The following FSHR variants were observed in gnomAD, a reference collection of about 807,000 sequenced individuals.
FSHR encodes the protein follicle-stimulating hormone receptor.
In FSHR, 46 loss-of-function variants were observed where a neutral mutation model predicts 52.1. The ratio of observed to expected loss-of-function variants is 0.88; its 90% confidence interval spans 0.70 to 1.13. The LOEUF (loss-of-function observed/expected upper bound fraction) is 1.13. FSHR is among the 50% of genes most tolerant of loss of function. The pLI is 0.00. For missense variants in FSHR, 964 were observed against 834.6 expected (o/e 1.16, Z -1.91); for synonymous variants, 399 against 309.6 (o/e 1.29, Z -3.03).
At chr2:49,005,905 G>A (rs1667058644) in intron 4 of FSHR, among the ~76,000 whole-genome samples, 1 of 152,084 alleles carries the variant, frequency 6.6e-6, no homozygotes, top group South Asian at 2.1e-4. Context: ...AGTGGGCTGG[G>A]AAAGGCAGAC....
chr2:49,099,379 C>T (rs1490619248), intron 1 of FSHR, among the ~76,000 whole-genome samples: 1 of 152,026 alleles, frequency 6.6e-6, no homozygotes, highest in Non-Finnish European at 1.5e-5. Flanking sequence ...TTCCCTTCCG[C>T]CATGATCGTG....
At chr2:48,994,414 A>G (rs1675926918) in intron 4 of FSHR, among the ~76,000 whole-genome samples, 1 of 152,152 alleles carries the variant, frequency 6.6e-6, no homozygotes, top group Non-Finnish European at 1.5e-5. Context: ...TTTGATCTTT[A>G]TAGGAAAGAA....
At chr2:49,042,334 T>G (rs1033783597) in intron 2 of FSHR, among the ~76,000 whole-genome samples, 14 of 152,032 alleles carry the variant, frequency 9.2e-5, no homozygotes, top group African/African-American at 3.4e-4. Context: ...CAAACCAGAC[T>G]AGATAACAAT....
At chr2:48,981,158 A>G (rs1208077018) in intron 8 of FSHR, among the ~76,000 whole-genome samples, 1 of 152,232 alleles carries the variant, frequency 6.6e-6, no homozygotes, top group Non-Finnish European at 1.5e-5. Flanking sequence ...TCTTGAGTAC[A>G]TGGACTATAT....
At chr2:49,102,846 C>CTAA in intron 1 of FSHR, among the ~76,000 whole-genome samples, 1 of 151,012 alleles carries the variant, frequency 6.6e-6, no homozygotes, top group Non-Finnish European at 1.5e-5. Context: ...GGATTTCTGC[C>CTAA]ACGGTTTGTT....
At chr2:48,964,864 C>T (rs1338141205) in intron 9 of FSHR, among the ~76,000 whole-genome samples, 2 of 151,984 alleles carry the variant, frequency 1.3e-5, no homozygotes, top group Non-Finnish European at 2.9e-5. Context: ...CACGAGTATA[C>T]CCATAAATAT....
chr2:49,069,614 C>T (rs1012050675), intron 1 of FSHR, among the ~76,000 whole-genome samples: 2 of 152,052 alleles, frequency 1.3e-5, no homozygotes, highest in African/African-American at 2.4e-5. Flanking sequence ...ATGCCTAGAA[C>T]AGTGCTTAAC....
At chr2:49,091,643 A>G (rs1670615603) in intron 1 of FSHR, among the ~76,000 whole-genome samples, 1 of 152,228 alleles carries the variant, frequency 6.6e-6, no homozygotes, top group Admixed American at 6.5e-5. Flanking sequence ...ATTTGTTTAA[A>G]AATACTATCC....
At chr2:48,982,791 G>A (rs1315222494) in intron 8 of FSHR, 121 bp downstream of exon 8, 14 of 856,112 alleles carry the variant, frequency 1.6e-5, no homozygotes, top group East Asian at 5.2e-5. Flanking sequence ...CAGATGACAC[G>A]AATAAAAATT....
intron 1 of FSHR, among the ~76,000 whole-genome samples, chr2:49,139,684 G>A (rs1000964498): frequency 1.3e-5 from 2 of 149,728 alleles, no homozygotes; most frequent in Admixed American, 6.7e-5. Flanking sequence ...TGCAAGCTCC[G>A]TCTCCTGGGT....
rs1442042234 is a variant in FSHR at position 48,982,947 on chromosome 2, A to G, written c.633T>C (p.Asn211=). ...GTCCAGAGGCTCCGTGGAAAACATC[A>G]TTAGGCAATTCTTCTAAATTATTAT... ...SDNNNLEELP[N]DVFHGASGPV... Residue 211 remains asparagine (N), a synonymous_variant, in exon 8 of 10, where the codon AAT becomes AAC. Coordinates refer to ENST00000406846, the MANE Select transcript of FSHR (RefSeq NM_000145.4). 6.2e-7 allele frequency: 1 copy of G among 1,614,152 alleles called. No individual in the cohort carries two copies. Among genetic ancestry groups the G allele is most frequent in the South Asian group, 1.1e-5 (1 of 91,078 alleles).
intron 2 of FSHR, among the ~76,000 whole-genome samples, chr2:49,042,099 T>A (rs1021120816): frequency 1.7e-4 from 26 of 152,188 alleles, no homozygotes; most frequent in Non-Finnish European, 2.1e-4. Context: ...GAGCTGTGAT[T>A]ACATCCTGCC....
At chr2:49,073,325 A>G (rs984155488) in intron 1 of FSHR, among the ~76,000 whole-genome samples, 5 of 152,108 alleles carry the variant, frequency 3.3e-5, no homozygotes, top group Admixed American at 3.3e-4. Context: ...GACTCTACCA[A>G]CAAACTCTTA....
chr2:49,133,541 C>A (rs561151305), intron 1 of FSHR, among the ~76,000 whole-genome samples: 1 of 152,292 alleles, frequency 6.6e-6, no homozygotes, highest in East Asian at 1.9e-4. Context: ...CTACCAATGA[C>A]TTTCTTCACA....
chr2:49,085,218 C>G (rs1463602894), intron 1 of FSHR, among the ~76,000 whole-genome samples: 1 of 152,158 alleles, frequency 6.6e-6, no homozygotes, highest in Non-Finnish European at 1.5e-5. Context: ...TGTAATCCAG[C>G]ATATAAACAG....
chr2:49,125,628 G>A (rs1671970041), intron 1 of FSHR, among the ~76,000 whole-genome samples: 1 of 152,192 alleles, frequency 6.6e-6, no homozygotes, highest in Non-Finnish European at 1.5e-5. Flanking sequence ...ATTCACGAAT[G>A]AATTGATGAT....
intron 1 of FSHR, among the ~76,000 whole-genome samples, chr2:49,122,592 TC>T (rs1671857674): frequency 6.6e-6 from 1 of 152,174 alleles, no homozygotes; most frequent in Non-Finnish European, 1.5e-5. Flanking sequence ...GCATTCTGTC[TC>T]CTCCCTGTTA....
intron 1 of FSHR, among the ~76,000 whole-genome samples, chr2:49,139,269 T>G (rs1047815560): frequency 6.6e-6 from 1 of 152,210 alleles, no homozygotes; most frequent in Non-Finnish European, 1.5e-5. Context: ...AACCCTTCAG[T>G]TCCTTTGGGT....
intron 4 of FSHR, among the ~76,000 whole-genome samples, chr2:48,992,310 CT>C (rs1675822351): frequency 6.6e-6 from 1 of 152,180 alleles, no homozygotes; most frequent in African/African-American, 2.4e-5. Context: ...TCTAAATTCC[CT>C]TGTGTTTTCC....
Sources: gnomAD v4.1 joint callset for allele counts (sites outside exome capture counted in the v4.1 genomes callset) on GRCh38, gnomAD v4.1.1 for gene constraint, MANE v1.5 for transcripts, NCBI Gene and HGNC (gene_info 2026-07-23, HGNC 2026-07-21) for gene names.